Variants in PIBF1 observed in about 807,000 individuals in gnomAD.
The protein encoded by PIBF1 is progesterone-induced-blocking factor 1.
A neutral mutation model predicts 112.5 loss-of-function variants in PIBF1; 90 were observed. The ratio of observed to expected loss-of-function variants is 0.80; its 90% CI spans 0.67 to 0.95. PIBF1 has a LOEUF of 0.95. Among genes scored for constraint, PIBF1 ranks in the 40% least tolerant of loss-of-function variants. The probability of loss-of-function intolerance (pLI) is 0.00; values close to 1 mark genes in which losing one functional copy is unlikely to be tolerated. For missense variants in PIBF1, 915 were observed against 852.3 expected, an observed-to-expected ratio of 1.07 and a Z score of -0.92; for synonymous variants, 301 against 288.6, an observed-to-expected ratio of 1.04 and a Z score of -0.44.
intron 10 of PIBF1, among the ~76,000 whole-genome samples, chr13:72,855,618 C>T (rs930526004): frequency 6.6e-6 from 1 of 152,020 alleles, no homozygotes; most frequent in African/African-American, 2.4e-5. Flanking sequence ...CACAGCACTC[C>T]AGCCTGGGCG....
intron 14 of PIBF1, among the ~76,000 whole-genome samples, chr13:72,937,707 C>T (rs547087261): frequency 1.3e-5 from 2 of 152,060 alleles, no homozygotes; most frequent in South Asian, 2.1e-4. Flanking sequence ...CCCAGCTACT[C>T]GGGAGGCTGA....
chr13:72,927,947 A>G (rs556330999), intron 13 of PIBF1, among the ~76,000 whole-genome samples: 50 of 69,782 alleles, frequency 7.2e-4, no homozygotes, highest in African/African-American at 1.4e-3. Context: ...ATATGTGTGT[A>G]TATATATATA....
intron 10 of PIBF1, among the ~76,000 whole-genome samples, chr13:72,890,367 T>G (rs1292361924): frequency 6.6e-6 from 1 of 152,120 alleles, no homozygotes; most frequent in African/African-American, 2.4e-5. Context: ...TTTTCACCCT[T>G]TAACATTTTT....
rs149954617 is a variant in PIBF1 at position 72,783,561 on chromosome 13, C to T, written c.92C>T (p.Thr31Met). ...EDISLETTVP[T>M]DDISSSEERE... ...ATTAGTTTAGAAACAACAGTTCCTACGGATGATATTTCCTCATCAGAAGAG... is the reference window on the plus strand; with the variant it reads ...ATTAGTTTAGAAACAACAGTTCCTATGGATGATATTTCCTCATCAGAAGAG... The change falls in exon 2 of 18, where the codon ACG becomes ATG. Residue 31 changes from threonine to methionine, a missense_variant. By Grantham distance (81) the Thr-to-Met change is moderately conservative. Coordinates refer to ENST00000326291, the MANE Select transcript of PIBF1 (RefSeq NM_006346.4). 6 of 1,613,714 alleles carry T rather than the reference C, an allele frequency of 3.7e-6. No homozygotes were observed. In the African/African-American group the frequency reaches 4.0e-5, roughly 11 times the overall value.
chr13:72,946,038 G>T (rs1407150374), intron 14 of PIBF1, among the ~76,000 whole-genome samples: 1 of 152,082 alleles, frequency 6.6e-6, no homozygotes, highest in East Asian at 1.9e-4. Context: ...CTCCAACTGA[G>T]TGAGCTTCCA....
intron 14 of PIBF1, among the ~76,000 whole-genome samples, chr13:72,936,743 A>G (rs186980197): frequency 7.9e-5 from 12 of 152,058 alleles, no homozygotes; most frequent in Admixed American, 5.9e-4. Context: ...TTCATTTTCA[A>G]AGTTGTTTAG....
chr13:72,795,625 T>A, intron 4 of PIBF1, 68 bp downstream of exon 4: 1 of 964,958 alleles, frequency 1.0e-6, no homozygotes, highest in Non-Finnish European at 1.6e-6. Flanking sequence ...ATTTATATAG[T>A]AGCAATTACT....
chr13:72,993,452 A>G (rs1475877749), intron 16 of PIBF1, among the ~76,000 whole-genome samples: 1 of 152,234 alleles, frequency 6.6e-6, no homozygotes, highest in Non-Finnish European at 1.5e-5. Flanking sequence ...AAACCCTCCA[A>G]AAACTTAGAA....
chr13:72,876,634 G>A (rs1276597725), intron 10 of PIBF1, among the ~76,000 whole-genome samples: 3 of 151,978 alleles, frequency 2.0e-5, no homozygotes, highest in Non-Finnish European at 4.4e-5. Context: ...TATAGATCTT[G>A]TACATATTAT....
chr13:72,869,030 A>G (rs575879678), intron 10 of PIBF1, among the ~76,000 whole-genome samples: 1 of 152,232 alleles, frequency 6.6e-6, no homozygotes, highest in African/African-American at 2.4e-5. Context: ...ACTGTAAACT[A>G]GTTCAACCAT....
chr13:72,796,632 T>G (rs1207889996), intron 4 of PIBF1, among the ~76,000 whole-genome samples: 1 of 149,430 alleles, frequency 6.7e-6, no homozygotes, highest in Non-Finnish European at 1.5e-5. Flanking sequence ...AAAATGAAGT[T>G]ACTTTTTTGT....
intron 3 of PIBF1, 134 bp downstream of exon 3, chr13:72,792,681 C>A: frequency 3.6e-6 from 2 of 554,928 alleles, no homozygotes; most frequent in South Asian, 2.6e-5. Context: ...ATTTTTACAC[C>A]TAGACCACAA....
chr13:72,827,879 TAGAGA>T lies in PIBF1; in HGVS notation c.1068_1072del (p.Glu356AspfsTer3), dbSNP rs2036896560. 3 of 1,593,964 alleles carry T rather than the reference TAGAGA, an allele frequency of 1.9e-6. No homozygotes were observed. Among genetic ancestry groups the T allele is most frequent in the Non-Finnish European group, 2.6e-6 (3 of 1,170,204 alleles). On this transcript the variant is annotated frameshift_variant, in exon 8 of 18. Transcript: ENST00000326291. LOFTEE classifies it high-confidence loss of function. ...CTCAACTGGAAGAAAGCAAAAAGGC[TAGAGA>T]AGAGATGTATGAAAAATATGTAGCA...
intron 10 of PIBF1, among the ~76,000 whole-genome samples, chr13:72,888,698 G>A (rs1214032941): frequency 1.3e-5 from 2 of 151,026 alleles, no homozygotes; most frequent in Non-Finnish European, 2.9e-5. Flanking sequence ...TATAGACATG[G>A]AAAAAACGGA....
intron 11 of PIBF1, among the ~76,000 whole-genome samples, chr13:72,906,114 TATTTATA>T (rs2040695545): frequency 6.6e-6 from 1 of 152,156 alleles, no homozygotes; most frequent in Non-Finnish European, 1.5e-5. Context: ...AGACAATTCT[TATTTATA>T]ATTAATTTAT....
At chr13:72,987,838 A>ATTTTTTTTT (rs2043340574) in intron 16 of PIBF1, among the ~76,000 whole-genome samples, 1 of 90,142 alleles carries the variant, frequency 1.1e-5, no homozygotes, top group African/African-American at 5.8e-5. Context: ...ATTTTTTGTA[A>ATTTTTTTTT]TTTATTTATT....
intron 16 of PIBF1, among the ~76,000 whole-genome samples, chr13:72,996,461 G>A (rs188342123): frequency 1.3e-5 from 2 of 152,178 alleles, no homozygotes; most frequent in East Asian, 1.9e-4. Flanking sequence ...TAGATGTGTC[G>A]TTTGCTAATA....
rs180717451 is a variant in PIBF1 at position 72,978,408 on chromosome 13, A to T, written c.2049+4733A>T. Among the ~76,000 whole-genome samples, 459 of 152,334 alleles carry T rather than the reference A, an allele frequency of 3.0e-3. 1 individual carries two copies. Among genetic ancestry groups the T allele is most frequent in the African/African-American group, 1.0e-2 (414 of 41,584 alleles). ...GATTACGTAGTCAAAACTAAAAGTA[A>T]TTCATTTTTTCCCTGAAACAAAACT... On this transcript the variant is annotated intron_variant, in intron 16 of 17. Coordinates refer to ENST00000326291, the MANE Select transcript of PIBF1 (RefSeq NM_006346.4).
intron 14 of PIBF1, among the ~76,000 whole-genome samples, chr13:72,939,487 C>T (rs578257419): frequency 3.9e-5 from 6 of 152,100 alleles, no homozygotes; most frequent in African/African-American, 7.2e-5. Flanking sequence ...CAATATGTGA[C>T]GTTTTGTGTC....
Sources: allele counts gnomAD v4.1 joint callset (sites outside exome capture counted in the v4.1 genomes callset), GRCh38; gene constraint gnomAD v4.1.1; transcripts MANE v1.5; gene names NCBI Gene and HGNC (gene_info 2026-07-23, HGNC 2026-07-21).